Variants in UTS2 observed in about 807,000 individuals in gnomAD.
The protein encoded by UTS2 is urotensin 2, also known as urotensin-2.
In UTS2, 10 loss-of-function variants were observed where a neutral mutation model predicts 12.6. The ratio of observed to expected loss-of-function variants is 0.80; its 90% CI spans 0.49 to 1.35. The LOEUF (loss-of-function observed/expected upper bound fraction) is 1.35. Ranked by LOEUF, UTS2 falls within the 40% of genes most tolerant of loss-of-function variation. The pLI is 0.00. For missense variants in UTS2, 142 were observed against 143.2 expected (o/e 0.99, Z 0.04); for synonymous variants, 52 against 50.0 (o/e 1.04, Z -0.17).
chr1:7,872,424 T>A, the UTS2 span, among the ~76,000 whole-genome samples: 1 of 151,898 alleles, frequency 6.6e-6, no homozygotes, highest in Non-Finnish European at 1.5e-5. Flanking sequence ...AGCCAAGCTT[T>A]ACAACTGGCA....
At chr1:7,911,345 C>T in the UTS2 span, among the ~76,000 whole-genome samples, 1 of 151,804 alleles carries the variant, frequency 6.6e-6, no homozygotes, top group Non-Finnish European at 1.5e-5. Context: ...ATACGTTACT[C>T]ATGTTTATTA....
the UTS2 span, among the ~76,000 whole-genome samples, chr1:7,858,533 C>A: frequency 6.6e-6 from 1 of 152,172 alleles, no homozygotes; most frequent in Non-Finnish European, 1.5e-5. Flanking sequence ...AACTCCCTCT[C>A]CCTGATGACA....
At chr1:7,904,633 A>G in the UTS2 span, among the ~76,000 whole-genome samples, 11,168 of 152,202 alleles carry the variant, frequency 0.073, 1,376 homozygotes, top group African/African-American at 0.25. Context: ...GGCTGGGAGC[A>G]GTGGCTCACG....
Position 7,847,792 on chromosome 1 carries a change from C to T in UTS2, c.349G>A (p.Asp117Asn), listed in dbSNP as rs151151624. 9 of 1,613,544 alleles carry T rather than the reference C, an allele frequency of 5.6e-6. No individual in the cohort carries two copies. The African/African-American group carries it at 1.2e-4, about 22-fold the overall frequency. Residue 117 changes from aspartate to asparagine, a missense_variant, in exon 4 of 4, where the codon GAT (aspartate) becomes AAT (asparagine). Coordinates refer to ENST00000361696, the MANE Select transcript of UTS2 (RefSeq NM_006786.4). ...WKPYKKRETP[D>N]CFWKYCV ...CAGACACAGTATTTCCAGAAGCAATCAGGAGTCTCACGTTTCTTGTATGGT... is the reference window on the plus strand; with the variant it reads ...CAGACACAGTATTTCCAGAAGCAATTAGGAGTCTCACGTTTCTTGTATGGT...
chr1:7,895,628 A>G, the UTS2 span, among the ~76,000 whole-genome samples: 1 of 152,122 alleles, frequency 6.6e-6, no homozygotes, highest in African/African-American at 2.4e-5. Flanking sequence ...AAACTGAAAA[A>G]TCCTCCTTCA....
At chr1:7,853,224 T>G, upstream of UTS2, 1 of 1,582,156 alleles carries the variant, frequency 6.3e-7, no homozygotes, top group Non-Finnish European at 8.6e-7. Context: ...GACAATAAAT[T>G]AACTGTCTTG....
the UTS2 span, among the ~76,000 whole-genome samples, chr1:7,868,929 A>C: frequency 6.6e-6 from 1 of 152,192 alleles, no homozygotes; most frequent in Non-Finnish European, 1.5e-5. Context: ...CCTTGTGAGG[A>C]CACAGGAAGA....
At chr1:7,865,988 G>A in the UTS2 span, among the ~76,000 whole-genome samples, 28 of 152,294 alleles carry the variant, frequency 1.8e-4, no homozygotes, top group Admixed American at 2.0e-4. Context: ...GGATCTCAAC[G>A]GATGAATGTG....
the UTS2 span, among the ~76,000 whole-genome samples, chr1:7,900,425 G>A: frequency 2.0e-5 from 3 of 151,928 alleles, no homozygotes; most frequent in Middle Eastern, 3.2e-3. Flanking sequence ...AAGAAGGAAG[G>A]AAGGAAGGAA....
chr1:7,868,394 A>T, the UTS2 span, among the ~76,000 whole-genome samples: 2 of 152,212 alleles, frequency 1.3e-5, no homozygotes, highest in Non-Finnish European at 2.9e-5. Flanking sequence ...TCAGACTCAC[A>T]GGAGGCAATT....
At chr1:7,889,442 C>CAAAAAAAAAAAAAAAAAA in the UTS2 span, among the ~76,000 whole-genome samples, 1 of 85,398 alleles carries the variant, frequency 1.2e-5, no homozygotes, top group African/African-American at 4.4e-5. Context: ...ATCTTATCAC[C>CAAAAAAAAAAAAAAAAAA]AAAAAAAAAA....
chr1:7,887,762 G>GAAAA, the UTS2 span, among the ~76,000 whole-genome samples: 1 of 126,526 alleles, frequency 7.9e-6, no homozygotes, highest in African/African-American at 2.8e-5. Flanking sequence ...TCTCTAAAAG[G>GAAAA]AAAAAAAAAA....
chr1:7,889,681 G>A, the UTS2 span, among the ~76,000 whole-genome samples: 2 of 151,828 alleles, frequency 1.3e-5, no homozygotes, highest in Admixed American at 6.6e-5. Flanking sequence ...AAAATTAGCC[G>A]GGAGTAGTGG....
At chr1:7,897,676 G>A in the UTS2 span, among the ~76,000 whole-genome samples, 15 of 151,988 alleles carry the variant, frequency 9.9e-5, no homozygotes, top group East Asian at 1.9e-4. Context: ...AACCTCCACC[G>A]CCCAGGTTCA....
the UTS2 span, among the ~76,000 whole-genome samples, chr1:7,867,831 G>A: frequency 1.1e-4 from 16 of 152,150 alleles, no homozygotes; most frequent in East Asian, 1.9e-4. Context: ...AGGTGAGATG[G>A]CACAATTGTC....
the UTS2 span, among the ~76,000 whole-genome samples, chr1:7,902,896 C>G: frequency 6.6e-6 from 1 of 152,092 alleles, no homozygotes; most frequent in Non-Finnish European, 1.5e-5. Flanking sequence ...CAGAGCCTTC[C>G]CTTTGATCCC....
chr1:7,899,358 A>G, the UTS2 span, among the ~76,000 whole-genome samples: 2 of 152,244 alleles, frequency 1.3e-5, no homozygotes, highest in East Asian at 3.8e-4. Context: ...ATCCTGTTTC[A>G]GCTCATAAGT....
Position 7,847,811 on chromosome 1 carries a change from G to A in UTS2, c.330C>T (p.Tyr110=). Residue 110 remains tyrosine, a synonymous_variant, in exon 4 of 4, where the codon TAC becomes TAT. Coordinates refer to ENST00000361696, the MANE Select transcript of UTS2 (RefSeq NM_006786.4). ...SHLLARIWKP[Y]KKRETPDCFW... ...AGCAATCAGGAGTCTCACGTTTCTT[G>A]TATGGTTTCCAGATTCTGGCCAAAA... The A allele has an allele frequency of 1.2e-6, 2 of 1,613,894 alleles. No homozygotes were observed. The highest frequency in any genetic ancestry group is 1.1e-5 in the South Asian group (1 of 91,056).
At chr1:7,905,793 A>C in the UTS2 span, among the ~76,000 whole-genome samples, 3 of 152,326 alleles carry the variant, frequency 2.0e-5, no homozygotes, top group East Asian at 3.9e-4. Context: ...TTTCAAGGTC[A>C]GCAGGAATGT....
Sources: allele counts gnomAD v4.1 joint callset (sites outside exome capture counted in the v4.1 genomes callset), GRCh38; gene constraint gnomAD v4.1.1; transcripts MANE v1.5; gene names NCBI Gene and HGNC (gene_info 2026-07-23, HGNC 2026-07-21).